The following PLXDC2 variants were observed in gnomAD, a reference collection of about 807,000 sequenced individuals.
PLXDC2 encodes the protein plexin domain containing 2.
A neutral mutation model predicts 68.9 loss-of-function variants in PLXDC2; 40 were observed. The observed-to-expected ratio is 0.58, with a 90% CI of 0.45 to 0.76. The LOEUF (loss-of-function observed/expected upper bound fraction) is 0.76. PLXDC2 is among the 30% of genes least tolerant of loss of function. The pLI, the probability that PLXDC2 is intolerant of heterozygous loss-of-function variation, is 0.00. For missense variants in PLXDC2, 644 were observed against 661.9 expected, an observed-to-expected ratio of 0.97 and a Z score of 0.30; for synonymous variants, 243 against 234.2, an observed-to-expected ratio of 1.04 and a Z score of -0.34.
intron 1 of PLXDC2, among the ~76,000 whole-genome samples, chr10:19,981,199 GCT>G (rs1168329393): frequency 1.3e-5 from 2 of 152,114 alleles, no homozygotes; most frequent in African/African-American, 2.4e-5. Flanking sequence ...TTCAATAGTT[GCT>G]CTCTGTTTCT....
chr10:20,194,654 A>G (rs779083661), intron 9 of PLXDC2, among the ~76,000 whole-genome samples: 1 of 151,894 alleles, frequency 6.6e-6, no homozygotes, highest in Non-Finnish European at 1.5e-5. Flanking sequence ...TATATATTAT[A>G]CTTTAAGTTC....
chr10:20,066,623 G>C (rs1489036927), intron 3 of PLXDC2, among the ~76,000 whole-genome samples: 1 of 152,138 alleles, frequency 6.6e-6, no homozygotes, highest in Non-Finnish European at 1.5e-5. Context: ...TGTTGTTCCT[G>C]TTAGTCAGCA....
intron 12 of PLXDC2, among the ~76,000 whole-genome samples, chr10:20,242,134 C>T (rs1323665459): frequency 2.0e-5 from 3 of 152,076 alleles, no homozygotes; most frequent in Non-Finnish European, 4.4e-5. Flanking sequence ...TTCAATTAAT[C>T]CTATTTTCCC....
At chr10:19,906,277 G>T (rs1046221132) in intron 1 of PLXDC2, among the ~76,000 whole-genome samples, 1 of 152,180 alleles carries the variant, frequency 6.6e-6, no homozygotes, top group African/African-American at 2.4e-5. Flanking sequence ...GGCACTGAGT[G>T]ATAGTTTGTT....
chr10:20,134,556 T>A (rs1282755754), intron 4 of PLXDC2, among the ~76,000 whole-genome samples: 6 of 152,064 alleles, frequency 3.9e-5, no homozygotes, highest in Admixed American at 3.9e-4. Context: ...GAGCCTCGAT[T>A]AACTGGGCAA....
At chr10:20,075,532 G>T (rs927067725) in intron 4 of PLXDC2, among the ~76,000 whole-genome samples, 16 of 152,178 alleles carry the variant, frequency 1.1e-4, no homozygotes, top group East Asian at 9.7e-4. Flanking sequence ...ACAACCACTT[G>T]TTTCTCCTGC....
chr10:20,261,363 T>G (rs1431462932), intron 13 of PLXDC2, among the ~76,000 whole-genome samples: 1 of 152,216 alleles, frequency 6.6e-6, no homozygotes, highest in East Asian at 1.9e-4. Flanking sequence ...AGTTGATTGT[T>G]GTGTGTGGTG....
At chr10:20,080,287 A>G (rs778799642) in intron 4 of PLXDC2, among the ~76,000 whole-genome samples, 1 of 152,196 alleles carries the variant, frequency 6.6e-6, no homozygotes, top group Non-Finnish European at 1.5e-5. Flanking sequence ...AACTAATAGG[A>G]TAGATGGATA....
intron 1 of PLXDC2, among the ~76,000 whole-genome samples, chr10:19,944,474 A>G (rs1204824237): frequency 6.6e-6 from 1 of 152,150 alleles, no homozygotes; most frequent in Non-Finnish European, 1.5e-5. Context: ...CATGTTTGTT[A>G]AAAGAAAAAC....
At chr10:19,987,737 T>C (rs1267053269) in intron 1 of PLXDC2, among the ~76,000 whole-genome samples, 1 of 151,922 alleles carries the variant, frequency 6.6e-6, no homozygotes, top group African/African-American at 2.4e-5. Flanking sequence ...ATTTTTTTTT[T>C]GTATTTTTAG....
intron 2 of PLXDC2, among the ~76,000 whole-genome samples, chr10:20,038,019 C>T (rs1220823838): frequency 4.6e-5 from 7 of 152,062 alleles, no homozygotes; most frequent in South Asian, 2.1e-4. Context: ...CTGAGGCGGG[C>T]GGATGACGAG....
chr10:20,197,405 G>A (rs1282043854), intron 9 of PLXDC2, among the ~76,000 whole-genome samples: 1 of 152,112 alleles, frequency 6.6e-6, no homozygotes, highest in Non-Finnish European at 1.5e-5. Context: ...CAGCAGGCTG[G>A]AGTGCAGTGG....
chr10:19,867,834 A>G (rs1049721324), intron 1 of PLXDC2, among the ~76,000 whole-genome samples: 2 of 152,182 alleles, frequency 1.3e-5, no homozygotes, highest in Non-Finnish European at 2.9e-5. Flanking sequence ...AAAAAAATAT[A>G]GTGTGTATGT....
intron 9 of PLXDC2, among the ~76,000 whole-genome samples, chr10:20,196,551 C>A (rs977697782): frequency 2.0e-5 from 3 of 152,090 alleles, no homozygotes; most frequent in African/African-American, 7.2e-5. Context: ...CTCTCTCTTA[C>A]TGAAAAAGAA....
intron 9 of PLXDC2, among the ~76,000 whole-genome samples, chr10:20,200,316 A>G (rs774693356): frequency 6.6e-6 from 1 of 152,108 alleles, no homozygotes; most frequent in Admixed American, 6.6e-5. Context: ...CAAAGAGTCA[A>G]TGAACATTTA....
intron 6 of PLXDC2, among the ~76,000 whole-genome samples, 192 bp from the exon 7 acceptor site, chr10:20,164,276 T>A (rs1432008293): frequency 6.6e-6 from 1 of 152,158 alleles, no homozygotes; most frequent in African/African-American, 2.4e-5. Flanking sequence ...GTCTCTTCTA[T>A]TCATTCAATA....
chr10:20,254,958 T>C (rs567773189), intron 13 of PLXDC2, among the ~76,000 whole-genome samples: 1 of 152,330 alleles, frequency 6.6e-6, no homozygotes, highest in East Asian at 1.9e-4. Context: ...CTTAATTTAC[T>C]CTTCTAAGTA....
intron 1 of PLXDC2, among the ~76,000 whole-genome samples, chr10:19,929,203 A>T (rs1400128778): frequency 1.1e-4 from 16 of 151,356 alleles, no homozygotes; most frequent in Admixed American, 9.8e-4. Flanking sequence ...ATGTGGTGAA[A>T]CCCTGCTCTA....
intron 1 of PLXDC2, among the ~76,000 whole-genome samples, chr10:19,843,780 G>A (rs1836949353): frequency 6.6e-6 from 1 of 152,100 alleles, no homozygotes; most frequent in Non-Finnish European, 1.5e-5. Flanking sequence ...GAGTGTGTGG[G>A]TGGTAAAGGG....
Sources: gnomAD v4.1 joint callset for allele counts (sites outside exome capture counted in the v4.1 genomes callset) on GRCh38, gnomAD v4.1.1 for gene constraint, MANE v1.5 for transcripts, NCBI Gene and HGNC (gene_info 2026-07-23, HGNC 2026-07-21) for gene names.